LAMB3: variants seen among roughly 807,000 people sequenced by gnomAD.
LAMB3 encodes laminin subunit beta-3.
LAMB3 carries 104 observed loss-of-function variants against 140.3 expected under a neutral mutation model. The ratio of observed to expected loss-of-function variants is 0.74; its 90% confidence interval spans 0.63 to 0.87. The LOEUF (loss-of-function observed/expected upper bound fraction) is 0.87. Ranked by LOEUF, LAMB3 falls within the 40% of genes least tolerant of loss-of-function variation. The pLI, the probability that LAMB3 is intolerant of heterozygous loss-of-function variation, is 0.00. For missense variants in LAMB3, 1,531 were observed against 1,575.2 expected (o/e 0.97, Z 0.47); for synonymous variants, 592 against 602.9 (o/e 0.98, Z 0.26).
rs1222968859 is a variant in LAMB3 at position 209,627,518 on chromosome 1, G to A, written c.1350C>T (p.Arg450=). 1.2e-6 allele frequency: 2 copies of A among 1,614,102 alleles called. No individual in the cohort carries two copies. Among genetic ancestry groups the A allele is most frequent in the Non-Finnish European group, 8.5e-7 (1 of 1,180,026 alleles). ...RDMPCDEESG[R]CLCLPNVVGP... is the part of the protein sequence containing the mutation. ...CCACCACGTTGGGCAGACAAAGGCAGCGCCCACTCTCCTCGTCACACGGCA... is the reference window on the plus strand; with the variant it reads ...CCACCACGTTGGGCAGACAAAGGCAACGCCCACTCTCCTCGTCACACGGCA... The change falls in exon 12 of 23, where the codon CGC becomes CGT. Residue 450 remains arginine (R), a synonymous_variant. Transcript: ENST00000356082.
At position 209,650,970 on chromosome 1, in the gene LAMB3, A is replaced by G; in HGVS notation, c.-26T>C. 6.2e-7 allele frequency: 1 copy of G among 1,613,800 alleles called. No individual in the cohort carries two copies. Among genetic ancestry groups the G allele is most frequent in the Non-Finnish European group, 8.5e-7 (1 of 1,179,630 alleles). On this transcript the variant is annotated 5_prime_UTR_variant, in exon 2 of 23. Coordinates refer to ENST00000356082, the MANE Select transcript of LAMB3 (RefSeq NM_000228.3). ...CTTCAGCCAATGGGGTGATCCCCAG[A>G]AAGGACCTTTCCTAGGACACAGCAA...
Position 209,627,577 on chromosome 1 carries a change from A to G in LAMB3, c.1291T>C (p.Cys431Arg), listed in dbSNP as rs1438921255. The G allele has an allele frequency of 3.1e-6, 5 of 1,613,644 alleles. No individual in the cohort carries two copies. The Admixed American group carries it at 8.3e-5, about 27-fold the overall frequency. ...CGGGACCCCAGGATGTTGCAGTCAC[A>G]GCCTGCAGGAGGAGAGCTGCTGAGC... ...TYANPQGCHR[C>R]DCNILGSRRD... Residue 431 changes from cysteine (C) to arginine (R), a missense_variant and splice_region_variant, in exon 12 of 23, where the codon TGT (cysteine) becomes CGT (arginine). Coordinates refer to ENST00000356082, the MANE Select transcript of LAMB3 (RefSeq NM_000228.3).
intron 5 of LAMB3, among the ~76,000 whole-genome samples, chr1:209,634,947 C>CTCTCTCTCTCCTCTCTCTG (rs1666844525): frequency 6.6e-6 from 1 of 150,880 alleles, no homozygotes. Context: ...CTCTCTCTCT[C>CTCTCTCTCTCCTCTCTCTG]TCTCTCTCTC....
In LAMB3 at chr1:209,618,571, C is replaced by T. The variant is rs776198236; in HGVS notation, c.2790G>A (p.Gln930=). ...CAATGGCCTGGATCTCATTCATCTTCTGCAGAACAGTAGCTGAGTCTGTGG... is the reference window on the plus strand; with the variant it reads ...CAATGGCCTGGATCTCATTCATCTTTTGCAGAACAGTAGCTGAGTCTGTGG... ...WLPTDSATVL[Q]KMNEIQAIAA... The change falls in exon 19 of 23, where the codon CAG becomes CAA. Residue 930 remains glutamine, a synonymous_variant. Coordinates refer to ENST00000356082, the MANE Select transcript of LAMB3 (RefSeq NM_000228.3). 2 of 1,614,272 alleles carry T rather than the reference C, an allele frequency of 1.2e-6. No individual in the cohort carries two copies. Among genetic ancestry groups the T allele is most frequent in the South Asian group, 2.2e-5 (2 of 91,092 alleles).
At chr1:209,637,748 T>C (rs1370910506) in intron 5 of LAMB3, among the ~76,000 whole-genome samples, 160 bp downstream of exon 5, 1 of 152,120 alleles carries the variant, frequency 6.6e-6, no homozygotes, top group Non-Finnish European at 1.5e-5. Context: ...GAGGTGCCAC[T>C]TTTAGCCCAG....
At chr1:209,616,917 C>A (rs966953895) in intron 21 of LAMB3, among the ~76,000 whole-genome samples, 8 of 152,220 alleles carry the variant, frequency 5.3e-5, no homozygotes, top group African/African-American at 1.7e-4. Flanking sequence ...GCATACTTAG[C>A]AACTTGGTCA....
At chr1:209,617,637 G>T in intron 20 of LAMB3, 51 bp from the exon 21 acceptor site, 1 of 1,602,674 alleles carries the variant, frequency 6.2e-7, no homozygotes. Flanking sequence ...CATAGGTCGG[G>T]GGGTTCATCC....
In LAMB3 at chr1:209,625,714, A is replaced by T. The variant is rs750321453; in HGVS notation, c.1910T>A (p.Val637Asp). Residue 637 changes from valine (V) to aspartate (D), a missense_variant, in exon 14 of 23, where the codon GTT becomes GAT. Coordinates refer to ENST00000356082, the MANE Select transcript of LAMB3 (RefSeq NM_000228.3). Reference sequence around the variant, plus strand: ...CTCTGTGACTGCGGGGCTGCTGAGAACTGCTCGGATCTGCTCAATCTTACT... The same window carrying T: ...CTCTGTGACTGCGGGGCTGCTGAGATCTGCTCGGATCTGCTCAATCTTACT... ...AKSKIEQIRA[V>D]LSSPAVTEQE... 1.7e-5 allele frequency: 27 copies of T among 1,613,924 alleles called. No homozygotes were observed. The highest frequency in any genetic ancestry group is 2.3e-5 in the Non-Finnish European group (27 of 1,180,024).
intron 11 of LAMB3, 76 bp from the exon 12 acceptor site, chr1:209,627,655 G>A: frequency 1.4e-6 from 2 of 1,383,626 alleles, no homozygotes; most frequent in South Asian, 1.2e-5. Context: ...CATCCAGGGA[G>A]GGGCGCTGCC....
Position 209,622,547 on chromosome 1 carries a change from T to A in LAMB3, c.2690A>T (p.Asp897Val). Residue 897 changes from aspartate to valine, a missense_variant, in exon 18 of 23, where the codon GAC becomes GTC. Transcript: ENST00000356082. Reference protein sequence around the residue: ...RTRLLIQQVRDFLTDPDTDAA... With the variant: ...RTRLLIQQVRVFLTDPDTDAA... ...GAGACTGGGCTCACCTGTTAGGAAG[T>A]CCCGGACCTGCTGGATTAGGAGCCG... 6.2e-7 allele frequency: 1 copy of A among 1,613,818 alleles called. No individual in the cohort carries two copies.
At chr1:209,626,600 A>G (rs1666464537) in intron 13 of LAMB3, among the ~76,000 whole-genome samples, 1 of 152,244 alleles carries the variant, frequency 6.6e-6, no homozygotes, top group Non-Finnish European at 1.5e-5. Context: ...GGCTTCTGGG[A>G]AATGCTCTCT....
intron 18 of LAMB3, among the ~76,000 whole-genome samples, chr1:209,619,510 AG>A (rs1409633858): frequency 2.0e-5 from 3 of 152,244 alleles, no homozygotes; most frequent in Non-Finnish European, 4.4e-5. Context: ...CTCTAAGCTC[AG>A]TTTCCTGATC....
chr1:209,632,740 G>A lies in LAMB3; in HGVS notation c.665C>T (p.Thr222Ile). The A allele has an allele frequency of 6.2e-7, 1 of 1,614,230 alleles. No homozygotes were observed. Among genetic ancestry groups the A allele is most frequent in the Non-Finnish European group, 8.5e-7 (1 of 1,180,026 alleles). Residue 222 changes from threonine (T) to isoleucine (I), a missense_variant, in exon 8 of 23, where the codon ACC becomes ATC. By Grantham distance (89) the Thr-to-Ile change is moderately conservative (BLOSUM62 -1). Coordinates refer to ENST00000356082, the MANE Select transcript of LAMB3 (RefSeq NM_000228.3). ...CCTTTGGGGCACAGGGGCCAGCCTG[G>A]TGAAATTGACTCTCAAGTTTGTGAT... is the stretch of plus-strand genomic sequence containing the variant. The part of the protein sequence containing the change: ...GEITNLRVNF[T>I]RLAPVPQRGY...
At position 209,623,084 on chromosome 1, in the gene LAMB3, G is replaced by A; in HGVS notation, c.2454C>T (p.Cys818=). Reference sequence around the variant, plus strand: ...CACCGGCCCTGGGAAGGACACCCCTGCAGCGGGAGCCACAGGCTGTGCCAT... The same window carrying A: ...CACCGGCCCTGGGAAGGACACCCCTACAGCGGGAGCCACAGGCTGTGCCAT... ...QDNGTACGSR[C]RGVLPRAGGA... Residue 818 remains cysteine, a synonymous_variant, in exon 17 of 23, where the codon TGC becomes TGT. Transcript: ENST00000356082. The surrounding 1 kb of genome is among the most constrained non-coding windows in gnomAD (Gnocchi z 4.2). 2 of 1,614,206 alleles carry A rather than the reference G, an allele frequency of 1.2e-6. No homozygotes were observed. Among genetic ancestry groups the A allele is most frequent in the Non-Finnish European group, 1.7e-6 (2 of 1,180,040 alleles).
rs911407406 is a variant in LAMB3, at chr1:209,623,722, G to C, written c.2141C>G (p.Ala714Gly). 12 of 1,613,878 alleles carry C rather than the reference G, an allele frequency of 7.4e-6. No individual in the cohort carries two copies. Among genetic ancestry groups the C allele is most frequent in the Admixed American group, 3.3e-5 (2 of 60,006 alleles). Residue 714 changes from alanine (A) to glycine (G), a missense_variant, in exon 16 of 23, where the codon GCC (alanine) becomes GGC (glycine). Transcript: ENST00000356082. The surrounding 1 kb of genome is among the most constrained non-coding windows in gnomAD (Gnocchi z 4.2). ...GTAGGCTGTGCTCAGCATCCGGAAGGCTCCTGTGGCGAGAAGCATGAGGAA... is the reference window on the plus strand; with the variant it reads ...GTAGGCTGTGCTCAGCATCCGGAAGCCTCCTGTGGCGAGAAGCATGAGGAA... ...EKISSADPSG[A>G]FRMLSTAYEQ...
Position 209,624,035 on chromosome 1 carries a change from G to A in LAMB3, c.1977-35C>T, listed in dbSNP as rs755857434. 5.0e-6 allele frequency: 8 copies of A among 1,599,662 alleles called. No homozygotes were observed. The African/African-American group carries it at 1.1e-4, about 21-fold the overall frequency. On this transcript the variant is annotated intron_variant, in intron 14 of 22. Transcript: ENST00000356082. ...GAGAGGAGCTTACACTAAAATATAG[G>A]AGGGAGTTTTGCCTCCCCAAAGCAG...
At chr1:209,620,181 T>C (rs1666136398) in intron 18 of LAMB3, among the ~76,000 whole-genome samples, 1 of 152,206 alleles carries the variant, frequency 6.6e-6, no homozygotes, top group South Asian at 2.1e-4. Context: ...GCTCAGTAAA[T>C]ATTTACTGCT....
In LAMB3 at chr1:209,617,933, GA is replaced by G. The variant is rs777292177; in HGVS notation, c.3024del (p.Arg1009GlyfsTer21). The G allele has an allele frequency of 1.9e-5, 30 of 1,614,084 alleles. No homozygotes were observed. Among genetic ancestry groups the G allele is most frequent in the Non-Finnish European group, 1.5e-5 (18 of 1,180,052 alleles). ...TCAGCAACCCTGTCCTGGATAAGCC[GA>G]AGGGAGCGGCTGGTGCCTTGCATGG... is the stretch of plus-strand genomic sequence containing the variant. ...QDTMQGTSRS[L>X]RLIQDRVAEV... On this transcript the variant is annotated frameshift_variant, in exon 20 of 23. Coordinates refer to ENST00000356082, the MANE Select transcript of LAMB3 (RefSeq NM_000228.3). LOFTEE classifies it high-confidence loss of function.
intron 20 of LAMB3, 21 bp downstream of exon 20, chr1:209,617,874 CAAATATGGGCGG>C (rs1666032367): frequency 6.2e-7 from 1 of 1,613,964 alleles, no homozygotes. Flanking sequence ...TGTTTATGCC[CAAATATGGGCGG>C]AGGAAGCCAT....
Sources: gnomAD v4.1 joint callset for allele counts (sites outside exome capture counted in the v4.1 genomes callset) on GRCh38, gnomAD v4.1.1 for gene constraint, Gnocchi (gnomAD v3.1) non-coding constraint, MANE v1.5 for transcripts, NCBI Gene and HGNC (gene_info 2026-07-23, HGNC 2026-07-21) for gene names.